Variants in HHAT observed in about 807,000 individuals in gnomAD.
The protein encoded by HHAT is protein-cysteine N-palmitoyltransferase HHAT.
Under a neutral mutation model 70.8 loss-of-function variants are expected in HHAT, and 47 were observed. The observed-to-expected ratio is 0.66, with a 90% CI of 0.53 to 0.85. The LOEUF is 0.85. Ranked by LOEUF, HHAT falls within the 40% of genes least tolerant of loss-of-function variation. HHAT has a pLI of 0.00. For missense variants in HHAT, 609 were observed against 604.8 expected, an observed-to-expected ratio of 1.01 and a Z score of -0.07; for synonymous variants, 228 against 247.6, an observed-to-expected ratio of 0.92 and a Z score of 0.74.
At chr1:210,562,161 A>T (rs1172362403) in intron 9 of HHAT, among the ~76,000 whole-genome samples, 2 of 152,174 alleles carry the variant, frequency 1.3e-5, no homozygotes. Context: ...TAGCTGTTGA[A>T]CACTTAGGAG....
At chr1:210,435,532 T>C (rs1376328763) in intron 7 of HHAT, among the ~76,000 whole-genome samples, 1 of 151,812 alleles carries the variant, frequency 6.6e-6, no homozygotes, top group Non-Finnish European at 1.5e-5. Context: ...TTTTGTTTTT[T>C]GGGGGCAGTT....
intron 10 of HHAT, among the ~76,000 whole-genome samples, chr1:210,609,418 A>G (rs528144467): frequency 6.7e-6 from 1 of 149,022 alleles, no homozygotes; most frequent in South Asian, 2.1e-4. Flanking sequence ...AAAAAATGTA[A>G]TGGTGTGTTA....
intron 7 of HHAT, chr1:210,462,957 T>C (rs2094010111): frequency 6.6e-6 from 1 of 152,196 alleles, no homozygotes; most frequent in African/African-American, 2.4e-5. Context: ...CACATCGACA[T>C]GTCCTGCAGT....
chr1:210,475,735 G>A (rs191528930), intron 8 of HHAT, among the ~76,000 whole-genome samples: 478 of 152,234 alleles, frequency 3.1e-3, no homozygotes, highest in Admixed American at 8.2e-3. Flanking sequence ...CTTGTAGGGC[G>A]AATGGCGTAT....
At chr1:210,468,832 G>A (rs571961861) in intron 8 of HHAT, among the ~76,000 whole-genome samples, 1 of 152,214 alleles carries the variant, frequency 6.6e-6, no homozygotes, top group Admixed American at 6.5e-5. Context: ...AAGAAGAAAA[G>A]GTCAAATAGG....
intron 9 of HHAT, among the ~76,000 whole-genome samples, chr1:210,539,344 C>T (rs191765059): frequency 1.1e-3 from 168 of 152,288 alleles, no homozygotes; most frequent in African/African-American, 2.5e-3. Flanking sequence ...GCCAACTGAA[C>T]GACTTCTCTA....
chr1:210,662,339 G>A (rs1483754257), intron 11 of HHAT, among the ~76,000 whole-genome samples: 1 of 140,692 alleles, frequency 7.1e-6, no homozygotes, highest in Non-Finnish European at 1.6e-5. Context: ...AAATATGGAT[G>A]TGGGTGAGCG....
intron 8 of HHAT, among the ~76,000 whole-genome samples, chr1:210,494,827 C>T (rs1014401026): frequency 6.6e-6 from 1 of 152,068 alleles, no homozygotes; most frequent in African/African-American, 2.4e-5. Context: ...GCTGGGATTC[C>T]AGGCATGAGC....
At chr1:210,445,310 T>C (rs1167108953) in intron 7 of HHAT, among the ~76,000 whole-genome samples, 1 of 152,250 alleles carries the variant, frequency 6.6e-6, no homozygotes, top group African/African-American at 2.4e-5. Flanking sequence ...CTATGTTCTT[T>C]ACAGACTATT....
chr1:210,592,322 T>G (rs994703134), intron 10 of HHAT, among the ~76,000 whole-genome samples: 1 of 152,166 alleles, frequency 6.6e-6, no homozygotes, highest in Admixed American at 6.5e-5. Flanking sequence ...TTGGCACTTT[T>G]GTTGAAAATG....
At chr1:210,335,982 A>T (rs1241763254) in intron 1 of HHAT, among the ~76,000 whole-genome samples, 1 of 152,218 alleles carries the variant, frequency 6.6e-6, no homozygotes, top group Non-Finnish European at 1.5e-5. Context: ...AGATAGATGT[A>T]AAAGAGTAAA....
At chr1:210,416,579 C>T (rs968435731) in intron 6 of HHAT, among the ~76,000 whole-genome samples, 3 of 152,212 alleles carry the variant, frequency 2.0e-5, no homozygotes, top group Non-Finnish European at 4.4e-5. Context: ...CTGTGCATCT[C>T]TAAACAACAG....
chr1:210,584,045 G>C (rs545026621), intron 9 of HHAT, among the ~76,000 whole-genome samples: 14 of 137,106 alleles, frequency 1.0e-4, no homozygotes, highest in African/African-American at 3.7e-4. Context: ...CCAGGTTCAA[G>C]CAATTCCCGG....
intron 2 of HHAT, among the ~76,000 whole-genome samples, chr1:210,353,478 A>T (rs1269448721): frequency 6.8e-6 from 1 of 147,782 alleles, no homozygotes; most frequent in Non-Finnish European, 1.5e-5. Flanking sequence ...TGGGAGGGGA[A>T]GTCTTTGACT....
At chr1:210,545,688 T>G (rs1267037321) in intron 9 of HHAT, among the ~76,000 whole-genome samples, 2 of 152,160 alleles carry the variant, frequency 1.3e-5, no homozygotes, top group Non-Finnish European at 1.5e-5. Context: ...CCACCCACCT[T>G]GGCCTCCAAA....
chr1:210,329,929 A>C (rs747282527), intron 1 of HHAT, among the ~76,000 whole-genome samples: 1 of 152,154 alleles, frequency 6.6e-6, no homozygotes, highest in Non-Finnish European at 1.5e-5. Flanking sequence ...TATTTTTAGT[A>C]GAGACGAGGG....
chr1:210,582,321 A>G (rs1435611173), intron 9 of HHAT, among the ~76,000 whole-genome samples: 1 of 152,176 alleles, frequency 6.6e-6, no homozygotes, highest in Non-Finnish European at 1.5e-5. Context: ...GATGTCAGCA[A>G]CTGCCTGCCC....
At chr1:210,430,177 G>C (rs1162937083) in intron 7 of HHAT, among the ~76,000 whole-genome samples, 1 of 151,792 alleles carries the variant, frequency 6.6e-6, no homozygotes, top group Non-Finnish European at 1.5e-5. Context: ...GGTCAAGCTA[G>C]CTTCTGTGTT....
intron 10 of HHAT, among the ~76,000 whole-genome samples, chr1:210,596,230 G>C (rs4845060): frequency 0.97 from 148,115 of 152,170 alleles, 72,205 homozygotes; most frequent in East Asian, 1. Context: ...ATAGGGAATC[G>C]TTTCCCCATT....
Sources: gnomAD v4.1 joint callset for allele counts (sites outside exome capture counted in the v4.1 genomes callset) on GRCh38, gnomAD v4.1.1 for gene constraint, MANE v1.5 for transcripts, NCBI Gene and HGNC (gene_info 2026-07-23, HGNC 2026-07-21) for gene names.